The following COL15A1 variants were observed in gnomAD, a reference collection of about 807,000 sequenced individuals.
The protein encoded by COL15A1 is collagen type XV alpha 1 chain.
A neutral mutation model predicts 165.9 loss-of-function variants in COL15A1; 111 were observed. That is an observed-to-expected ratio of 0.67 (90% CI 0.57 to 0.78). The LOEUF (loss-of-function observed/expected upper bound fraction) is 0.78, where lower values mean the gene tolerates loss of function less well. COL15A1 is among the 30% of genes least tolerant of loss of function. The probability of loss-of-function intolerance (pLI) is 0.00; values close to 1 mark genes in which losing one functional copy is unlikely to be tolerated. For missense variants in COL15A1, 1,745 were observed against 1,789.7 expected (o/e 0.98, Z 0.45); for synonymous variants, 659 against 674.8 (o/e 0.98, Z 0.36).
chr9:98,976,069 G>T (rs1437547531), intron 2 of COL15A1, among the ~76,000 whole-genome samples: 1 of 152,196 alleles, frequency 6.6e-6, no homozygotes, highest in South Asian at 2.1e-4. Context: ...TGTAATAGGA[G>T]CAGATGACTA....
chr9:99,005,153 G>A (rs1009553328), intron 9 of COL15A1, 103 bp downstream of exon 9: 65 of 1,225,520 alleles, frequency 5.3e-5, no homozygotes, highest in Admixed American at 3.5e-4. Context: ...GGAGCCTGAG[G>A]CACGGGGATC....
At chr9:99,012,644 G>A (rs1046168638) in intron 9 of COL15A1, among the ~76,000 whole-genome samples, 6 of 151,148 alleles carry the variant, frequency 4.0e-5, no homozygotes, top group Non-Finnish European at 8.8e-5. Context: ...CCAACAGAGT[G>A]CCTGAAAGAG....
At chr9:99,007,778 G>A (rs1271548479) in intron 9 of COL15A1, among the ~76,000 whole-genome samples, 1 of 152,066 alleles carries the variant, frequency 6.6e-6, no homozygotes, top group East Asian at 1.9e-4. Context: ...AAGAAAGCAT[G>A]GCTTAATTTT....
rs1449800304 is a variant in COL15A1 at position 99,049,718 on chromosome 9, G to GC, written c.2828dup (p.Gly944TrpfsTer8). ...CCACCTGGCTTACCTGGCCCTCCAG[G>GC]CCCCCCTGGGCCACCTGGAGCTGTG... On this transcript the variant is annotated frameshift_variant, in exon 29 of 42. Coordinates refer to ENST00000375001, the MANE Select transcript of COL15A1 (RefSeq NM_001855.5). LOFTEE classifies it high-confidence loss of function. 2 of 1,613,884 alleles carry GC rather than the reference G, an allele frequency of 1.2e-6. No homozygotes were observed. Among genetic ancestry groups the GC allele is most frequent in the East Asian group, 2.2e-5 (1 of 44,876 alleles).
intron 17 of COL15A1, 145 bp downstream of exon 17, chr9:99,034,729 G>T (rs1839268500): frequency 1.4e-6 from 2 of 1,417,400 alleles, no homozygotes; most frequent in East Asian, 2.5e-5. Context: ...CAAAGGAATT[G>T]CTCAGAGAAG....
At chr9:98,988,689 G>T (rs140443697) in intron 4 of COL15A1, among the ~76,000 whole-genome samples, 3 of 152,274 alleles carry the variant, frequency 2.0e-5, no homozygotes, top group African/African-American at 7.2e-5. Context: ...TTGGGAGGCC[G>T]AGGTGGGTGG....
chr9:99,014,559 A>G (rs939984593), intron 9 of COL15A1, among the ~76,000 whole-genome samples: 5 of 152,194 alleles, frequency 3.3e-5, no homozygotes, highest in African/African-American at 9.6e-5. Flanking sequence ...CACCGATATG[A>G]GATTTGTCAA....
chr9:99,017,037 G>A (rs1289403583), intron 11 of COL15A1, among the ~76,000 whole-genome samples: 19 of 152,186 alleles, frequency 1.2e-4, no homozygotes, highest in East Asian at 1.9e-4. Context: ...GCATTCATTC[G>A]TTGATTCACT....
chr9:99,069,985 T>TTG lies in COL15A1; in HGVS notation c.*100_*101insGT. 1.3e-5 allele frequency: 13 copies of TTG among 1,010,270 alleles called. No homozygotes were observed. Among genetic ancestry groups the TTG allele is most frequent in the African/African-American group, 1.6e-5 (1 of 60,874 alleles). 62.6% of individuals were successfully genotyped at this position (1,010,270 alleles called of 1,614,324 possible). On this transcript the variant is annotated 3_prime_UTR_variant, in exon 42 of 42. Transcript: ENST00000375001. ...TTAATTGTTGTAAATATTACAGTTT[T>TTG]TTTTTTTTACTACATATTCTTTACA...
intron 24 of COL15A1, 55 bp from the exon 25 acceptor site, chr9:99,044,513 G>A: frequency 6.5e-7 from 1 of 1,546,584 alleles, no homozygotes; most frequent in African/African-American, 1.4e-5. Flanking sequence ...AAAACTCTCT[G>A]GACAAGGTGG....
chr9:99,040,583 T>A, intron 23 of COL15A1, 27 bp downstream of exon 23: 1 of 1,614,242 alleles, frequency 6.2e-7, no homozygotes, highest in South Asian at 1.1e-5. Context: ...CTGTCTTCTA[T>A]CTGTGCCCCG....
chr9:98,949,502 A>G lies in COL15A1; in HGVS notation c.100+5252A>G, dbSNP rs76524066. Among the ~76,000 whole-genome samples the G allele has an allele frequency of 3.2e-3, 482 of 152,354 alleles. 2 individuals are homozygous for G. Among genetic ancestry groups the G allele is most frequent in the African/African-American group, 0.011 (439 of 41,586 alleles). On this transcript the variant is annotated intron_variant, in intron 2 of 41. Coordinates refer to ENST00000375001, the MANE Select transcript of COL15A1 (RefSeq NM_001855.5). ...TACAGATCCACACAGCTACCAAGAA[A>G]TGAGGGCCTCCATTTCTTCACATCC...
At chr9:98,957,772 T>C (rs1302557396) in intron 2 of COL15A1, among the ~76,000 whole-genome samples, 2 of 152,214 alleles carry the variant, frequency 1.3e-5, no homozygotes, top group Non-Finnish European at 2.9e-5. Context: ...TTGACCTCCC[T>C]GGGCTTAAGT....
At chr9:98,960,981 A>G (rs1042480341) in intron 2 of COL15A1, among the ~76,000 whole-genome samples, 4 of 152,214 alleles carry the variant, frequency 2.6e-5, no homozygotes, top group African/African-American at 7.2e-5. Flanking sequence ...TTGACCTTCC[A>G]GTGGAGGGAG....
intron 26 of COL15A1, among the ~76,000 whole-genome samples, chr9:99,047,303 G>A (rs1839507067): frequency 6.6e-6 from 1 of 152,226 alleles, no homozygotes. Context: ...CTAGGGGCAG[G>A]TTAGAGCAAG....
chr9:99,041,600 T>C (rs1013483296), intron 23 of COL15A1, among the ~76,000 whole-genome samples: 1 of 151,966 alleles, frequency 6.6e-6, no homozygotes, highest in Non-Finnish European at 1.5e-5. Context: ...AGATGAGATG[T>C]TGATGCCTGG....
In COL15A1 at chr9:98,967,921, G is replaced by T. The variant is rs188769204; in HGVS notation, c.101-17644G>T. ...ACAGGGTGCTGGGCCTCAGCCCAGGGTTTCTGATTTTGTAGGTCTGGAGTA... is the reference window on the plus strand; with the variant it reads ...ACAGGGTGCTGGGCCTCAGCCCAGGTTTTCTGATTTTGTAGGTCTGGAGTA... On this transcript the variant is annotated intron_variant, in intron 2 of 41. Coordinates refer to ENST00000375001, the MANE Select transcript of COL15A1 (RefSeq NM_001855.5). Among the ~76,000 whole-genome samples, 221 of 152,364 alleles carry T rather than the reference G, an allele frequency of 1.5e-3. 1 individual carries two copies. Among genetic ancestry groups the T allele is most frequent in the Admixed American group, 3.7e-3 (56 of 15,308 alleles).
intron 2 of COL15A1, among the ~76,000 whole-genome samples, chr9:98,971,436 T>G (rs1384397623): frequency 2.0e-5 from 3 of 152,008 alleles, no homozygotes; most frequent in Non-Finnish European, 2.9e-5. Flanking sequence ...CAAAGAGTCT[T>G]TGTTCCCCAA....
chr9:98,954,130 T>C lies in COL15A1; in HGVS notation c.100+9880T>C, dbSNP rs549777030. Among the ~76,000 whole-genome samples the C allele has an allele frequency of 7.2e-5, 11 of 152,336 alleles. No individual in the cohort carries two copies. In the South Asian group the frequency reaches 1.0e-3, roughly 14 times the overall value. ...TTTCCTAACACAGTGTAAGCAAGCA[T>C]CTGCACTGCCAAAGTAGGGATGTCC... On this transcript the variant is annotated intron_variant, in intron 2 of 41. Coordinates refer to ENST00000375001, the MANE Select transcript of COL15A1 (RefSeq NM_001855.5).
Sources: allele counts gnomAD v4.1 joint callset (sites outside exome capture counted in the v4.1 genomes callset), GRCh38; gene constraint gnomAD v4.1.1; transcripts MANE v1.5; gene names NCBI Gene and HGNC (gene_info 2026-07-23, HGNC 2026-07-21).